The following ZBTB8A variants were observed in gnomAD, a reference collection of about 807,000 sequenced individuals.
ZBTB8A encodes the protein zinc finger and BTB domain-containing protein 8A.
A neutral mutation model predicts 37.8 loss-of-function variants in ZBTB8A; 19 were observed. The observed-to-expected ratio is 0.50, with a 90% confidence interval of 0.35 to 0.74. The LOEUF (loss-of-function observed/expected upper bound fraction) is 0.74, where lower values mean the gene tolerates loss of function less well. ZBTB8A is among the 30% of genes least tolerant of loss of function. ZBTB8A has a pLI of 0.01. For synonymous variants in ZBTB8A, 181 were observed against 185.2 expected, an observed-to-expected ratio of 0.98 and a Z score of 0.19; for missense variants, 394 against 537.8, an observed-to-expected ratio of 0.73 and a Z score of 2.65.
intron 2 of ZBTB8A, among the ~76,000 whole-genome samples, chr1:32,564,754 A>T (rs1246950402): frequency 2.0e-5 from 3 of 152,098 alleles, no homozygotes; most frequent in Non-Finnish European, 2.9e-5. Flanking sequence ...CTGGCATTTT[A>T]TAGTATAACT....
At chr1:32,547,798 G>A (rs1288469928) in intron 1 of ZBTB8A, among the ~76,000 whole-genome samples, 19 of 96,818 alleles carry the variant, frequency 2.0e-4, no homozygotes, top group Non-Finnish European at 2.9e-4. Flanking sequence ...AACAGAGAAA[G>A]ATTCTGTCTA....
At chr1:32,540,021 C>T (rs1213481686) in intron 1 of ZBTB8A, among the ~76,000 whole-genome samples, 1 of 151,612 alleles carries the variant, frequency 6.6e-6, no homozygotes, top group East Asian at 2.0e-4. Context: ...CGGCCAGGGG[C>T]GCTGCCGGGG....
rs1644610141 is a variant in ZBTB8A, at chr1:32,605,464, G to A, written c.*5045G>A. On this transcript the variant is annotated 3_prime_UTR_variant, in exon 5 of 5. Coordinates refer to ENST00000373510, the MANE Select transcript of ZBTB8A (RefSeq NM_001040441.3). ...CACACCTGTAATCCCAGCACTTTGG[G>A]AGGCCAAGGCGGGTGGATCACTTTA... The A allele has an allele frequency of 6.6e-6, 1 of 151,948 alleles. No individual in the cohort carries two copies. Among genetic ancestry groups the A allele is most frequent in the African/African-American group, 2.4e-5 (1 of 41,336 alleles). The allele number at this position is 151,948 out of a possible 1,614,324, so 9.4% of individuals were successfully genotyped here.
In ZBTB8A at chr1:32,595,351, TCTGCCTCCCGGGTTCAAGCAATTCTC is replaced by T. The variant is rs1373919476; in HGVS notation, c.993+136_993+161del. 3.0e-5 allele frequency: 27 copies of T among 892,512 alleles called. No individual in the cohort carries two copies. In the African/African-American group the frequency reaches 3.9e-4, roughly 13 times the overall value. 55.3% of individuals were successfully genotyped at this position (892,512 alleles called of 1,614,324 possible). A position where few individuals can be genotyped will look rare whatever the true frequency, so the allele number is the denominator to read the frequency against. On this transcript the variant is annotated intron_variant, in intron 4 of 4. Transcript: ENST00000373510. Reference sequence around the variant, plus strand: ...GGTGTAATCTCAGCTCGCTGCAACCTCTGCCTCCCGGGTTCAAGCAATTCTCCTGCCTCAGCCTCCCAAGTAGTTGG... The same window carrying T: ...GGTGTAATCTCAGCTCGCTGCAACCTCTGCCTCAGCCTCCCAAGTAGTTGG...
At chr1:32,583,380 CAAAA>C (rs372221611) in intron 2 of ZBTB8A, among the ~76,000 whole-genome samples, 1 of 68,120 alleles carries the variant, frequency 1.5e-5, no homozygotes, top group Non-Finnish European at 3.0e-5. Flanking sequence ...GACCCTGTCT[CAAAA>C]AAAAAAAAAA....
intron 2 of ZBTB8A, among the ~76,000 whole-genome samples, chr1:32,589,550 CTGTT>C (rs765509566): frequency 1.2e-4 from 18 of 146,518 alleles, no homozygotes; most frequent in East Asian, 6.2e-4. Flanking sequence ...CGCGCCCAGC[CTGTT>C]TGTTTGTTTG....
intron 3 of ZBTB8A, 108 bp from the exon 4 acceptor site, chr1:32,594,946 A>T: frequency 1.8e-6 from 2 of 1,104,432 alleles, no homozygotes; most frequent in Non-Finnish European, 2.4e-6. Context: ...CTTTTTTTTT[A>T]AGTTTATTTT....
At chr1:32,591,297 A>G (rs1288821400) in intron 2 of ZBTB8A, among the ~76,000 whole-genome samples, 1 of 151,112 alleles carries the variant, frequency 6.6e-6, no homozygotes, top group African/African-American at 2.4e-5. Flanking sequence ...TGCAGCCTTC[A>G]CCCCCTGGGC....
chr1:32,574,980 G>T (rs1369248120), intron 2 of ZBTB8A, among the ~76,000 whole-genome samples: 1 of 151,958 alleles, frequency 6.6e-6, no homozygotes, highest in East Asian at 1.9e-4. Flanking sequence ...TCTCTGTGTT[G>T]CCCAGGCTGG....
chr1:32,551,813 CCTT>C (rs1298424387), intron 1 of ZBTB8A, among the ~76,000 whole-genome samples: 7 of 152,158 alleles, frequency 4.6e-5, no homozygotes, highest in Admixed American at 1.3e-4. Context: ...CTTCAGGTGA[CCTT>C]CTTGCTTCTG....
rs1213605300 is a variant in ZBTB8A at position 32,604,312 on chromosome 1, C to G, written c.*3893C>G. 3 of 152,132 alleles carry G rather than the reference C, an allele frequency of 2.0e-5. No homozygotes were observed. The highest frequency in any genetic ancestry group is 4.4e-5 in the Non-Finnish European group (3 of 68,018). The allele number at this position is 152,132 out of a possible 1,614,324, so 9.4% of individuals were successfully genotyped here. On this transcript the variant is annotated 3_prime_UTR_variant, in exon 5 of 5. Transcript: ENST00000373510. Reference sequence around the variant, plus strand: ...AAATGAATTGTTTCCTAAAGATGCTCAAATTTAAGGGATAAACTCTAAAAT... The same window carrying G: ...AAATGAATTGTTTCCTAAAGATGCTGAAATTTAAGGGATAAACTCTAAAAT...
At chr1:32,546,492 GAA>G (rs1338464285) in intron 1 of ZBTB8A, among the ~76,000 whole-genome samples, 1 of 151,644 alleles carries the variant, frequency 6.6e-6, no homozygotes, top group Admixed American at 6.6e-5. Flanking sequence ...TTAAAATATA[GAA>G]AGAGCCAGAC....
chr1:32,544,810 C>T (rs544257289), intron 1 of ZBTB8A, among the ~76,000 whole-genome samples: 28 of 152,294 alleles, frequency 1.8e-4, no homozygotes, highest in Admixed American at 9.8e-4. Context: ...AAATGTTATG[C>T]GGCGCGTGAC....
chr1:32,596,461 A>C (rs916895415), intron 4 of ZBTB8A, among the ~76,000 whole-genome samples: 2 of 152,024 alleles, frequency 1.3e-5, no homozygotes, highest in Non-Finnish European at 2.9e-5. Context: ...CACACCTATA[A>C]TCCCAGCTAC....
rs1350637264 is a variant in ZBTB8A, at chr1:32,592,609, C to T, written c.-1-322C>T. 1.3e-5 allele frequency among the ~76,000 whole-genome samples: 2 copies of T among 151,358 alleles called. 1 individual carries two copies. The highest frequency in any genetic ancestry group is 1.3e-4 in the Admixed American group (2 of 15,172). On this transcript the variant is annotated intron_variant, in intron 2 of 4. Coordinates refer to ENST00000373510, the MANE Select transcript of ZBTB8A (RefSeq NM_001040441.3). ...GCAACCTCCACCTCCCAGGTTCAAG[C>T]GATTTGTCTGCCTCAGCCTCCTGAG... is the stretch of plus-strand genomic sequence containing the variant.
chr1:32,590,591 T>C lies in ZBTB8A; in HGVS notation c.-1-2340T>C, dbSNP rs901944340. ...CATCTAGGGATTTCTACATCTTTCT[T>C]GCAAGTCCAGCCACACATTTAAAAA... On this transcript the variant is annotated intron_variant, in intron 2 of 4. Transcript: ENST00000373510. Among the ~76,000 whole-genome samples, 14 of 152,176 alleles carry C rather than the reference T, an allele frequency of 9.2e-5. 1 individual carries two copies. The highest frequency in any genetic ancestry group is 9.2e-4 in the Admixed American group (14 of 15,276).
At chr1:32,539,725 GGGA>G in intron 1 of ZBTB8A, among the ~76,000 whole-genome samples, 153 bp downstream of exon 1, 1 of 146,616 alleles carries the variant, frequency 6.8e-6, no homozygotes. Flanking sequence ...TCCCCGGGCC[GGGA>G]GCGCGGCGGG....
intron 2 of ZBTB8A, among the ~76,000 whole-genome samples, chr1:32,584,995 A>G (rs1403437969): frequency 1.3e-5 from 2 of 150,522 alleles, no homozygotes; most frequent in African/African-American, 2.4e-5. Context: ...ATTTGCAGAC[A>G]TATAATTATC....
chr1:32,554,655 TTTTAGTAG>T (rs1285803657), intron 2 of ZBTB8A, among the ~76,000 whole-genome samples: 1 of 152,008 alleles, frequency 6.6e-6, no homozygotes, highest in Non-Finnish European at 1.5e-5. Context: ...ATTTATGTAT[TTTTAGTAG>T]AGACTGGGTT....
Sources: allele counts gnomAD v4.1 joint callset (sites outside exome capture counted in the v4.1 genomes callset), GRCh38; gene constraint gnomAD v4.1.1; transcripts MANE v1.5; gene names NCBI Gene and HGNC (gene_info 2026-07-23, HGNC 2026-07-21).